MYO10: variants seen among roughly 807,000 people sequenced by gnomAD.
MYO10 encodes unconventional myosin-X.
In MYO10, 133 loss-of-function variants were observed where a neutral mutation model predicts 257.3. The observed-to-expected ratio is 0.52, with a 90% confidence interval of 0.45 to 0.60. MYO10 has a LOEUF of 0.60. MYO10 is among the 20% of genes least tolerant of loss of function. The probability of loss-of-function intolerance (pLI) is 0.00; values close to 1 mark genes in which losing one functional copy is unlikely to be tolerated. For synonymous variants in MYO10, 1,104 were observed against 1,028.6 expected (o/e 1.07, Z -1.40); for missense variants, 2,399 against 2,635.7 (o/e 0.91, Z 1.97).
chr5:16,934,113 A>T (rs887527873), intron 1 of MYO10, among the ~76,000 whole-genome samples: 1 of 152,264 alleles, frequency 6.6e-6, no homozygotes, highest in African/African-American at 2.4e-5. Flanking sequence ...GGCCCCTTAC[A>T]CTGAACTAAG....
chr5:16,704,457 G>T, intron 22 of MYO10, 122 bp downstream of exon 22: 2 of 756,944 alleles, frequency 2.6e-6, no homozygotes, highest in Non-Finnish European at 4.2e-6. Context: ...TGGCTGCTTA[G>T]GAGGCCTGAC....
At chr5:16,859,728 C>A (rs563711837) in intron 2 of MYO10, among the ~76,000 whole-genome samples, 1 of 152,120 alleles carries the variant, frequency 6.6e-6, no homozygotes, top group Non-Finnish European at 1.5e-5. Context: ...GCCTGGGTGA[C>A]AGGGTGACAC....
intron 2 of MYO10, among the ~76,000 whole-genome samples, chr5:16,869,787 C>G (rs71609330): frequency 1.3e-5 from 2 of 150,902 alleles, no homozygotes; most frequent in African/African-American, 4.9e-5. Flanking sequence ...ATCGCTTGAA[C>G]GCAGGAGACA....
chr5:16,755,160 TTTTATTTA>T (rs576895331), intron 18 of MYO10, among the ~76,000 whole-genome samples: 1 of 152,058 alleles, frequency 6.6e-6, no homozygotes, highest in Non-Finnish European at 1.5e-5. Flanking sequence ...TAAAATTCTA[TTTTATTTA>T]TTTATTTATT....
chr5:16,701,387 GCGT>G lies in MYO10; in HGVS notation c.3005_3007del (p.Asp1002del). On this transcript the variant is annotated inframe_deletion, in exon 25 of 41. Transcript: ENST00000513610. The surrounding 1 kb of genome is among the most constrained non-coding windows in gnomAD (Gnocchi z 8.1). ...GCTGGGGTTGGGGGAGTCCTTGAAG[GCGT>G]CGTCGTCGGCTTCGAAGCCCTCATC... The G allele has an allele frequency of 6.2e-7, 1 of 1,614,018 alleles. No individual in the cohort carries two copies. The highest frequency in any genetic ancestry group is 8.5e-7 in the Non-Finnish European group (1 of 1,179,898).
rs1579798307 is a variant in MYO10 at position 16,674,943 on chromosome 5, T to C, written c.4874A>G (p.Asn1625Ser). ...NKVPHPGSVG[N>S]LYSWQILTCL... is the part of the protein sequence containing the mutation. The stretch of plus-strand genomic sequence containing the variant: ...TGTCAGGATCTGCCAGCTGTACAGG[T>C]TGCCCACACTGCCGGGGTGGGGCAC... Residue 1625 changes from asparagine to serine, a missense_variant, in exon 35 of 41, where the codon AAC becomes AGC. Physicochemically the swap from Asn to Ser is conservative, Grantham distance 46. Around this residue, in one of 3 missense-constraint regions of MYO10, gnomAD observed 1,820 missense variants for 1,939.4 expected, o/e 0.94. Transcript: ENST00000513610. 1 of 1,613,994 alleles carries C rather than the reference T, an allele frequency of 6.2e-7. No homozygotes were observed. Among genetic ancestry groups the C allele is most frequent in the Non-Finnish European group, 8.5e-7 (1 of 1,179,896 alleles).
At chr5:16,902,347 G>T in intron 1 of MYO10, 1 of 1,168,394 alleles carries the variant, frequency 8.6e-7, no homozygotes, top group Admixed American at 1.7e-5. Flanking sequence ...CTAAATCAGG[G>T]TGGGGGTGTT....
chr5:16,851,071 T>A (rs1455804350), intron 2 of MYO10, among the ~76,000 whole-genome samples: 6 of 152,176 alleles, frequency 3.9e-5, no homozygotes, highest in Non-Finnish European at 8.8e-5. Context: ...CCCAAAGTGC[T>A]GGGATTACAG....
At chr5:16,821,069 A>G (rs899267792) in intron 2 of MYO10, among the ~76,000 whole-genome samples, 3 of 147,376 alleles carry the variant, frequency 2.0e-5, no homozygotes, top group Non-Finnish European at 4.5e-5. Context: ...TATATAATAT[A>G]TAAGATGTTT....
chr5:16,800,704 C>T (rs766066199), intron 3 of MYO10, among the ~76,000 whole-genome samples: 16 of 152,182 alleles, frequency 1.1e-4, no homozygotes, highest in Non-Finnish European at 1.5e-5. Flanking sequence ...CCTCACTACA[C>T]TGGTTCTTTC....
intron 1 of MYO10, among the ~76,000 whole-genome samples, chr5:16,888,192 T>A (rs1744945608): frequency 6.6e-6 from 1 of 151,978 alleles, no homozygotes; most frequent in Admixed American, 6.6e-5. Flanking sequence ...CCCTCCCCAA[T>A]CATATACCAG....
chr5:16,749,557 C>T (rs1740322560), intron 19 of MYO10, among the ~76,000 whole-genome samples: 1 of 151,912 alleles, frequency 6.6e-6, no homozygotes, highest in Non-Finnish European at 1.5e-5. Context: ...CCACCAGAAA[C>T]CAGTCCCAGA....
At chr5:16,898,195 GT>G (rs2126781361) in intron 1 of MYO10, among the ~76,000 whole-genome samples, 1 of 152,150 alleles carries the variant, frequency 6.6e-6, no homozygotes, top group Non-Finnish European at 1.5e-5. Context: ...TTCAACCAGA[GT>G]TGCTGGGCAG....
chr5:16,787,806 TTG>T (rs151331141), intron 4 of MYO10, among the ~76,000 whole-genome samples: 1 of 151,134 alleles, frequency 6.6e-6, no homozygotes, highest in South Asian at 2.1e-4. Flanking sequence ...GATCGTTCTT[TTG>T]TGTGTGTGTG....
chr5:16,834,798 A>G (rs1244374159), intron 2 of MYO10, among the ~76,000 whole-genome samples: 4 of 152,240 alleles, frequency 2.6e-5, no homozygotes, highest in Non-Finnish European at 5.9e-5. Flanking sequence ...ACAAAAATCA[A>G]TGGAATGAGT....
At chr5:16,900,266 T>C (rs779666650) in intron 1 of MYO10, among the ~76,000 whole-genome samples, 2 of 152,156 alleles carry the variant, frequency 1.3e-5, no homozygotes, top group African/African-American at 2.4e-5. Flanking sequence ...CAGAAAAATA[T>C]GTGCTTTCAC....
At chr5:16,933,202 T>C (rs1746339312) in intron 1 of MYO10, among the ~76,000 whole-genome samples, 1 of 152,218 alleles carries the variant, frequency 6.6e-6, no homozygotes, top group Non-Finnish European at 1.5e-5. Context: ...TTCAGCAATG[T>C]CTGCAGACCT....
In MYO10 at chr5:16,766,203, A is replaced by C; in HGVS notation, c.1061-5T>G. The C allele has an allele frequency of 6.2e-7, 1 of 1,606,712 alleles. No individual in the cohort carries two copies. Among genetic ancestry groups the C allele is most frequent in the Non-Finnish European group, 8.5e-7 (1 of 1,173,890 alleles). On this transcript the variant is annotated splice_region_variant and splice_polypyrimidine_tract_variant and intron_variant, in intron 10 of 40. Transcript: ENST00000513610. ...ACTCCGCAGATCTGCCCAAAGCTGC[A>C]GAGAATAAGACAAAGGTGAATGAAC...
At position 16,781,880 on chromosome 5, in the gene MYO10, G is replaced by A. The variant is rs1741435572; in HGVS notation, c.603-51C>T. 1.9e-6 allele frequency: 3 copies of A among 1,594,290 alleles called. No individual in the cohort carries two copies. In the South Asian group the frequency reaches 3.4e-5, roughly 18 times the overall value. On this transcript the variant is annotated intron_variant, in intron 5 of 40. Transcript: ENST00000513610. ...CAGCATTAATAAGGGTGGGTCTGAA[G>A]ACAGCAATAGCACTTCTCACAAATG...
Sources: allele counts gnomAD v4.1 joint callset (sites outside exome capture counted in the v4.1 genomes callset), GRCh38; gene constraint gnomAD v4.1.1; regional missense constraint gnomAD v4.1.1; non-coding constraint Gnocchi (gnomAD v3.1); transcripts MANE v1.5; gene names NCBI Gene and HGNC (gene_info 2026-07-23, HGNC 2026-07-21).